The following FLOT2 variants were observed in gnomAD, a reference collection of about 807,000 sequenced individuals.
FLOT2 encodes flotillin 2.
Under a neutral mutation model 54.9 loss-of-function variants are expected in FLOT2, and 35 were observed. The observed-to-expected ratio is 0.64, with a 90% CI of 0.49 to 0.84. The LOEUF (loss-of-function observed/expected upper bound fraction) is 0.84. Among genes scored for constraint, FLOT2 ranks in the 40% least tolerant of loss-of-function variants. FLOT2 has a pLI of 0.00. For synonymous variants in FLOT2, 207 were observed against 228.9 expected, an observed-to-expected ratio of 0.90 and a Z score of 0.86; for missense variants, 464 against 572.1, an observed-to-expected ratio of 0.81 and a Z score of 1.93.
intron 1 of FLOT2, chr17:28,892,985 G>A (rs1752198372): frequency 6.6e-6 from 1 of 152,244 alleles, no homozygotes; most frequent in Non-Finnish European, 1.5e-5. Flanking sequence ...TTGGCTTGGG[G>A]AGCAGGCTGC....
intron 1 of FLOT2, 92 bp from the exon 2 acceptor site, chr17:28,889,118 T>TC: frequency 2.0e-6 from 2 of 1,022,298 alleles, no homozygotes; most frequent in Non-Finnish European, 3.0e-6. Context: ...CTTTACCTGC[T>TC]CTGATACTTG....
intron 2 of FLOT2, chr17:28,886,027 C>G: frequency 2.5e-6 from 2 of 794,598 alleles, no homozygotes; most frequent in East Asian, 2.7e-5. Flanking sequence ...CAGTAGTTAC[C>G]AGACAAGCAC....
Position 28,879,749 on chromosome 17 carries a change from C to A in FLOT2, c.*812G>T. ...GAAGAAGGTCTACACACTTTTCTGT[C>A]CCCAACAGGGCTAGACCCTCATCTC... On this transcript the variant is annotated 3_prime_UTR_variant, in exon 11 of 11. Coordinates refer to ENST00000394908, the MANE Select transcript of FLOT2 (RefSeq NM_004475.3). 2 of 986,118 alleles carry A rather than the reference C, an allele frequency of 2.0e-6. No individual in the cohort carries two copies. Among genetic ancestry groups the A allele is most frequent in the Non-Finnish European group, 2.4e-6 (2 of 830,144 alleles). The allele number at this position is 986,118 out of a possible 1,614,324, so 61.1% of individuals were successfully genotyped here.
Position 28,880,286 on chromosome 17 carries a change from G to T in FLOT2, c.*275C>A. 1 of 1,348,304 alleles carries T rather than the reference G, an allele frequency of 7.4e-7. No individual in the cohort carries two copies. The allele number at this position is 1,348,304 out of a possible 1,614,324, so 83.5% of individuals were successfully genotyped here. On this transcript the variant is annotated 3_prime_UTR_variant, in exon 11 of 11. Transcript: ENST00000394908. ...CTTAATCTACATGATGTGCATGGGG[G>T]AAAGAAAAAGACAGACAAAGGAAAA...
intron 2 of FLOT2, 117 bp downstream of exon 2, chr17:28,888,825 GAAT>G: frequency 2.8e-6 from 1 of 362,558 alleles, no homozygotes. Context: ...TCCACCGCCA[GAAT>G]GGAATGTGGA....
At chr17:28,885,801 C>T (rs141604823) in intron 2 of FLOT2, 78 of 1,231,548 alleles carry the variant, frequency 6.3e-5, no homozygotes, top group Non-Finnish European at 8.2e-5. Context: ...TGCCAGGCCC[C>T]GCAGGGCAGG....
chr17:28,891,127 T>C (rs2039644135), intron 1 of FLOT2, among the ~76,000 whole-genome samples: 1 of 151,998 alleles, frequency 6.6e-6, no homozygotes, highest in Non-Finnish European at 1.5e-5. Flanking sequence ...GCGATCCACA[T>C]GCGTTGGCCT....
rs1241920333 is a variant in FLOT2 at position 28,889,020 on chromosome 17, C to T, written c.56G>A (p.Cys19Tyr). ...PNEALVVSGG[C>Y]CGSDYKQYVF... is the part of the protein sequence containing the mutation. ...GTACTGTTTATAGTCGGAACCACAA[C>T]AGCCCCCTGGGGAGCAAAGCAAACC... The change falls in exon 2 of 11, where the codon TGT becomes TAT. Residue 19 changes from cysteine to tyrosine, a missense_variant. Cys to Tyr is a radical substitution (Grantham distance 194). Transcript: ENST00000394908. 2 of 1,614,052 alleles carry T rather than the reference C, an allele frequency of 1.2e-6. No homozygotes were observed. Among genetic ancestry groups the T allele is most frequent in the Non-Finnish European group, 1.7e-6 (2 of 1,179,964 alleles).
In FLOT2 at chr17:28,879,747, G is replaced by A; in HGVS notation, c.*814C>T. The A allele has an allele frequency of 1.0e-6, 1 of 986,138 alleles. No individual in the cohort carries two copies. Among genetic ancestry groups the A allele is most frequent in the Non-Finnish European group, 1.2e-6 (1 of 830,150 alleles). 61.1% of individuals were successfully genotyped at this position (986,138 alleles called of 1,614,324 possible). The stretch of plus-strand genomic sequence containing the variant: ...AGGAAGAAGGTCTACACACTTTTCT[G>A]TCCCCAACAGGGCTAGACCCTCATC... On this transcript the variant is annotated 3_prime_UTR_variant, in exon 11 of 11. Transcript: ENST00000394908.
intron 2 of FLOT2, among the ~76,000 whole-genome samples, 189 bp downstream of exon 2, chr17:28,888,756 T>C (rs1030617341): frequency 4.6e-5 from 7 of 152,158 alleles, no homozygotes; most frequent in African/African-American, 2.4e-5. Flanking sequence ...GCATGTCTCC[T>C]GCACCCCTGT....
chr17:28,881,105 C>A (rs1399132316), intron 9 of FLOT2, 87 bp downstream of exon 9: 1 of 1,290,554 alleles, frequency 7.7e-7, no homozygotes. Context: ...CTGTGTTACT[C>A]GCAAGGCCCA....
At position 28,880,733 on chromosome 17, in the gene FLOT2, T is replaced by C. The variant is rs1263218677; in HGVS notation, c.1228A>G (p.Thr410Ala). The change falls in exon 10 of 11, where the codon ACA (threonine) becomes GCA (alanine). Residue 410 changes from threonine to alanine, a missense_variant. Transcript: ENST00000394908. The stretch of plus-strand genomic sequence containing the variant: ...CATACCTTAGACAGGTCCACGCCTG[T>C]GAGGGCATGCACAGAGGCAGGCAGC... ...AELPASVHALTGVDLSKIPLI... is the reference protein window; with the variant it reads ...AELPASVHALAGVDLSKIPLI... The C allele has an allele frequency of 6.2e-7, 1 of 1,614,238 alleles. No individual in the cohort carries two copies. Among genetic ancestry groups the C allele is most frequent in the East Asian group, 2.2e-5 (1 of 44,890 alleles).
chr17:28,881,102 A>T, intron 9 of FLOT2, 90 bp downstream of exon 9: 1 of 1,240,788 alleles, frequency 8.1e-7, no homozygotes. Context: ...TCCCTGTGTT[A>T]CTCGCAAGGC....
chr17:28,889,730 C>G (rs551710915), intron 1 of FLOT2, among the ~76,000 whole-genome samples: 3 of 151,994 alleles, frequency 2.0e-5, no homozygotes, highest in African/African-American at 4.8e-5. Context: ...ACCTCTGCCT[C>G]CCAGGTTCAA....
In FLOT2 at chr17:28,884,379, G is replaced by A; in HGVS notation, c.132-64C>T. On this transcript the variant is annotated intron_variant, in intron 2 of 10. Transcript: ENST00000394908. This position sits in a 1 kb window ranked among gnomAD's most constrained non-coding sequence, Gnocchi z 5.1. ...CGCAGGGCCTGGTGGTGTTGGGAAA[G>A]AGGCCAGTACCTCACTGCTCCGGCT... 2 of 1,052,358 alleles carry A rather than the reference G, an allele frequency of 1.9e-6. No homozygotes were observed. The highest frequency in any genetic ancestry group is 2.9e-6 in the Non-Finnish European group (2 of 693,414). 65.2% of individuals were successfully genotyped at this position (1,052,358 alleles called of 1,614,324 possible). A position where few individuals can be genotyped will look rare whatever the true frequency, so the allele number is the denominator to read the frequency against.
At chr17:28,891,860 C>A (rs1376167251) in intron 1 of FLOT2, among the ~76,000 whole-genome samples, 1 of 152,140 alleles carries the variant, frequency 6.6e-6, no homozygotes, top group African/African-American at 2.4e-5. Flanking sequence ...CACCTCACCC[C>A]CAGTGGGGAG....
At position 28,884,183 on chromosome 17, in the gene FLOT2, G is replaced by T; in HGVS notation, c.222+42C>A. 1 of 1,424,812 alleles carries T rather than the reference G, an allele frequency of 7.0e-7. No homozygotes were observed. Among genetic ancestry groups the T allele is most frequent in the Non-Finnish European group, 9.9e-7 (1 of 1,008,158 alleles). The allele number at this position is 1,424,812 out of a possible 1,614,324, so 88.3% of individuals were successfully genotyped here. ...CCCCCCGAACCCGAGTACGGGACCA[G>T]GCAGCTCAACGGACATGCGCAGGGC... is the stretch of plus-strand genomic sequence containing the variant. On this transcript the variant is annotated intron_variant, in intron 3 of 10. Transcript: ENST00000394908. The surrounding 1 kb of genome is among the most constrained non-coding windows in gnomAD (Gnocchi z 5.1).
At chr17:28,886,092 C>T (rs200587637) in intron 2 of FLOT2, 2 of 660,206 alleles carry the variant, frequency 3.0e-6, no homozygotes, top group Admixed American at 4.2e-5. Flanking sequence ...TCCAACCCCC[C>T]AACTGCCAGC....
Position 28,879,691 on chromosome 17 carries a change from G to A in FLOT2, c.*870C>T. The stretch of plus-strand genomic sequence containing the variant: ...TTGGCACAGCCTTGTCCACCAGAAG[G>A]GCCCAACACCCAGGACAGTGCAGCC... On this transcript the variant is annotated 3_prime_UTR_variant, in exon 11 of 11. Coordinates refer to ENST00000394908, the MANE Select transcript of FLOT2 (RefSeq NM_004475.3). 3.0e-6 allele frequency: 3 copies of A among 986,098 alleles called. No individual in the cohort carries two copies. The highest frequency in any genetic ancestry group is 3.6e-6 in the Non-Finnish European group (3 of 830,130). The allele number at this position is 986,098 out of a possible 1,614,324, so 61.1% of individuals were successfully genotyped here. A position where few individuals can be genotyped will look rare whatever the true frequency, so the allele number is the denominator to read the frequency against.
Sources: gnomAD v4.1 joint callset for allele counts (sites outside exome capture counted in the v4.1 genomes callset) on GRCh38, gnomAD v4.1.1 for gene constraint, Gnocchi (gnomAD v3.1) non-coding constraint, MANE v1.5 for transcripts, NCBI Gene and HGNC (gene_info 2026-07-23, HGNC 2026-07-21) for gene names.